NFIX: variants seen among roughly 807,000 people sequenced by gnomAD.
NFIX encodes nuclear factor 1 X-type.
NFIX carries 2 observed loss-of-function variants against 53.3 expected under a neutral mutation model. The ratio of observed to expected loss-of-function variants is 0.04; its 90% CI spans 0.02 to 0.12. The LOEUF (loss-of-function observed/expected upper bound fraction) is 0.12, where lower values mean the gene tolerates loss of function less well. NFIX is among the 10% of genes least tolerant of loss of function. NFIX has a pLI of 1.00. For synonymous variants in NFIX, 244 were observed against 289.0 expected, an observed-to-expected ratio of 0.84 and a Z score of 1.58; for missense variants, 310 against 674.5, an observed-to-expected ratio of 0.46 and a Z score of 5.99.
intron 2 of NFIX, among the ~76,000 whole-genome samples, chr19:13,061,423 C>T (rs532235387): frequency 1.3e-5 from 2 of 152,368 alleles, no homozygotes; most frequent in East Asian, 3.9e-4. Context: ...GTGGGTTCTT[C>T]TCCTTCCTCT....
chr19:13,050,313 G>A (rs1030743379), intron 2 of NFIX, among the ~76,000 whole-genome samples: 3 of 152,208 alleles, frequency 2.0e-5, no homozygotes. Context: ...ATCTGGCATG[G>A]TCCCTTCCCC....
intron 2 of NFIX, among the ~76,000 whole-genome samples, chr19:13,032,465 C>T (rs1005152238): frequency 5.9e-5 from 9 of 152,318 alleles, no homozygotes; most frequent in Middle Eastern, 3.4e-3. Context: ...TGTGTTGCAT[C>T]GTTCGAGGAC....
chr19:13,073,023 TCTC>T lies in NFIX; in HGVS notation c.560-22_560-20del, dbSNP rs775119278. 1 of 1,612,434 alleles carries T rather than the reference TCTC, an allele frequency of 6.2e-7. No individual in the cohort carries two copies. The highest frequency in any genetic ancestry group is 1.1e-5 in the South Asian group (1 of 91,060). On this transcript the variant is annotated intron_variant, in intron 2 of 10. Coordinates refer to ENST00000592199, the MANE Select transcript of NFIX (RefSeq NM_001365902.3). This position sits in a 1 kb window ranked among gnomAD's most constrained non-coding sequence, Gnocchi z 4.5. Reference sequence around the variant, plus strand: ...ATGGGGAACTTTGCTCCTGATACATTCTCCCCTTTTGTGTCTCCTGCAGAATCC... The same window carrying T: ...ATGGGGAACTTTGCTCCTGATACATTCCCTTTTGTGTCTCCTGCAGAATCC...
chr19:13,047,723 G>A (rs1018412738), intron 2 of NFIX, among the ~76,000 whole-genome samples: 1 of 152,120 alleles, frequency 6.6e-6, no homozygotes. Flanking sequence ...ACATCCCCAC[G>A]TACTTTGGGT....
intron 2 of NFIX, among the ~76,000 whole-genome samples, chr19:13,035,559 T>C (rs2014126603): frequency 1.3e-5 from 2 of 152,192 alleles, no homozygotes; most frequent in African/African-American, 4.8e-5. Context: ...AGACCAGAAC[T>C]GTTGTCTGGG....
rs1051016693 is a variant in NFIX at position 13,040,684 on chromosome 19, C to T, written c.559+15132C>T. Among the ~76,000 whole-genome samples, 7 of 152,260 alleles carry T rather than the reference C, an allele frequency of 4.6e-5. No homozygotes were observed. Among genetic ancestry groups the T allele is most frequent in the South Asian group, 4.1e-4 (2 of 4,830 alleles). On this transcript the variant is annotated intron_variant, in intron 2 of 10. Transcript: ENST00000592199. The surrounding 1 kb of genome is among the most constrained non-coding windows in gnomAD (Gnocchi z 4.2). ...GTCCTCCAGCTGGTACATGTGCTTG[C>T]GGCTCTGGTAGCTGGGTTTGGTTAT...
At chr19:13,076,518 G>A (rs574684087) in intron 6 of NFIX, among the ~76,000 whole-genome samples, 13 of 152,246 alleles carry the variant, frequency 8.5e-5, no homozygotes, top group East Asian at 5.8e-4. Context: ...AGAGTCCCCC[G>A]CTGACGTGCC....
chr19:13,021,834 C>G lies in NFIX; in HGVS notation c.28-3187C>G, dbSNP rs2012967067. ...CAAGTGGAGGACCAGAGCAGGGGCT[C>G]CCCGGTGGGTCACTTCTCTGTGACT... On this transcript the variant is annotated intron_variant, in intron 1 of 10. Coordinates refer to ENST00000592199, the MANE Select transcript of NFIX (RefSeq NM_001365902.3). The surrounding 1 kb of genome is among the most constrained non-coding windows in gnomAD (Gnocchi z 4.2). 2.6e-5 allele frequency among the ~76,000 whole-genome samples: 4 copies of G among 152,066 alleles called. No homozygotes were observed. The South Asian group carries it at 8.3e-4, about 32-fold the overall frequency.
chr19:13,058,840 G>C (rs1221015533), intron 2 of NFIX, among the ~76,000 whole-genome samples: 1 of 152,058 alleles, frequency 6.6e-6, no homozygotes, highest in African/African-American at 2.4e-5. Context: ...GGTGGGGAGG[G>C]GTAGGTCTGA....
intron 2 of NFIX, among the ~76,000 whole-genome samples, chr19:13,062,176 C>G (rs778288947): frequency 5.3e-5 from 8 of 152,232 alleles, no homozygotes; most frequent in Non-Finnish European, 7.3e-5. Flanking sequence ...GTTCCTTCCT[C>G]TGGTCATTCC....
At chr19:13,061,096 C>A (rs901429350) in intron 2 of NFIX, among the ~76,000 whole-genome samples, 1 of 150,798 alleles carries the variant, frequency 6.6e-6, no homozygotes, top group Non-Finnish European at 1.5e-5. Context: ...CCCCCTCCCC[C>A]CCAAATCGAG....
chr19:13,033,949 TGAGTGATATA>T (rs2013995151), intron 2 of NFIX, among the ~76,000 whole-genome samples: 1 of 152,188 alleles, frequency 6.6e-6, no homozygotes, highest in Non-Finnish European at 1.5e-5. Flanking sequence ...TCACAATGGT[TGAGTGATATA>T]GACAGGGCAG....
In NFIX at chr19:13,093,071, C is replaced by T. The variant is rs751093017; in HGVS notation, c.1495-1564C>T. The stretch of plus-strand genomic sequence containing the variant: ...TCCAGATGCTCTTGATCTGCACTGT[C>T]CATTGTGGTAGCCACGGGCCACGTG... On this transcript the variant is annotated intron_variant, in intron 10 of 10. Transcript: ENST00000592199. The surrounding 1 kb of genome is among the most constrained non-coding windows in gnomAD (Gnocchi z 4.7). Among the ~76,000 whole-genome samples, 6 of 152,260 alleles carry T rather than the reference C, an allele frequency of 3.9e-5. No homozygotes were observed. The highest frequency in any genetic ancestry group is 8.8e-5 in the Non-Finnish European group (6 of 68,052).
At chr19:13,029,341 A>G (rs1008737362) in intron 2 of NFIX, among the ~76,000 whole-genome samples, 1 of 152,160 alleles carries the variant, frequency 6.6e-6, no homozygotes. Context: ...TTTTTTTAGT[A>G]TCATCAGATA....
In NFIX at chr19:13,094,724, GA is replaced by G; in HGVS notation, c.*80del. On this transcript the variant is annotated 3_prime_UTR_variant, in exon 11 of 11. Coordinates refer to ENST00000592199, the MANE Select transcript of NFIX (RefSeq NM_001365902.3). This position sits in a 1 kb window ranked among gnomAD's most constrained non-coding sequence, Gnocchi z 4.3. Reference sequence around the variant, plus strand: ...GGGGGGAGAAGAAATTTTGAGAATGGAAAAATCCCCCAGCCCAGCCCAGCCC... The same window carrying G: ...GGGGGGAGAAGAAATTTTGAGAATGGAAAATCCCCCAGCCCAGCCCAGCCC... 1 of 1,466,482 alleles carries G rather than the reference GA, an allele frequency of 6.8e-7. No individual in the cohort carries two copies. Among genetic ancestry groups the G allele is most frequent in the Non-Finnish European group, 9.2e-7 (1 of 1,084,460 alleles). The allele number at this position is 1,466,482 out of a possible 1,614,324, so 90.8% of individuals were successfully genotyped here.
intron 2 of NFIX, among the ~76,000 whole-genome samples, chr19:13,047,410 A>G (rs1253948700): frequency 2.6e-5 from 4 of 152,078 alleles, no homozygotes; most frequent in Non-Finnish European, 5.9e-5. Context: ...TTTCCAGACC[A>G]CAGAATGCTC....
In NFIX at chr19:13,011,889, G is replaced by T. The variant is rs1256152902; in HGVS notation, c.28-13132G>T. Among the ~76,000 whole-genome samples the T allele has an allele frequency of 6.6e-6, 1 of 152,182 alleles. No homozygotes were observed. The highest frequency in any genetic ancestry group is 6.5e-5 in the Admixed American group (1 of 15,288). On this transcript the variant is annotated intron_variant, in intron 1 of 10. Coordinates refer to ENST00000592199, the MANE Select transcript of NFIX (RefSeq NM_001365902.3). This position sits in a 1 kb window ranked among gnomAD's most constrained non-coding sequence, Gnocchi z 6.5. ...ACTGACTCAAGACTGGGGGGAGGGG[G>T]CTCATGGAGGTAGAGGTGGTGGGGA...
intron 1 of NFIX, among the ~76,000 whole-genome samples, chr19:13,015,685 C>T (rs566432265): frequency 1.3e-5 from 2 of 152,260 alleles, no homozygotes; most frequent in South Asian, 2.1e-4. Flanking sequence ...GCTTTCAGCT[C>T]GGCGGGTCCT....
intron 2 of NFIX, chr19:13,070,312 G>A (rs914880536): frequency 3.9e-5 from 6 of 152,308 alleles, no homozygotes; most frequent in African/African-American, 1.4e-4. Context: ...CGGCCCTATC[G>A]GGGCAGGGGT....
Sources: allele counts gnomAD v4.1 joint callset (sites outside exome capture counted in the v4.1 genomes callset), GRCh38; gene constraint gnomAD v4.1.1; non-coding constraint Gnocchi (gnomAD v3.1); transcripts MANE v1.5; gene names NCBI Gene and HGNC (gene_info 2026-07-23, HGNC 2026-07-21).